Variants in CREB5 observed in about 807,000 individuals in gnomAD.
CREB5 encodes the protein cAMP responsive element binding protein 5, also known as cyclic AMP-responsive element-binding protein 5.
Under a neutral mutation model 57.1 loss-of-function variants are expected in CREB5, and 19 were observed. That is an observed-to-expected ratio of 0.33 (90% CI 0.23 to 0.49). The LOEUF (loss-of-function observed/expected upper bound fraction) is 0.49, where lower values mean the gene tolerates loss of function less well. CREB5 is among the 20% of genes least tolerant of loss of function. The pLI is 0.99. For missense variants in CREB5, 579 were observed against 671.6 expected (o/e 0.86, Z 1.52); for synonymous variants, 238 against 238.3 (o/e 1.00, Z 0.01).
intron 4 of CREB5, among the ~76,000 whole-genome samples, chr7:28,557,097 C>T (rs1349635995): frequency 7.0e-6 from 1 of 142,410 alleles, no homozygotes; most frequent in African/African-American, 2.5e-5. Context: ...TGCAAAAAGT[C>T]TCTTTATTAA....
At chr7:28,814,402 T>C (rs980851633) in intron 9 of CREB5, among the ~76,000 whole-genome samples, 1 of 152,210 alleles carries the variant, frequency 6.6e-6, no homozygotes, top group Admixed American at 6.5e-5. Context: ...CTCAGTAATA[T>C]GGACACATAA....
chr7:28,468,449 G>A (rs1472143217), intron 1 of CREB5, among the ~76,000 whole-genome samples: 1 of 152,218 alleles, frequency 6.6e-6, no homozygotes, highest in East Asian at 1.9e-4. Context: ...TTGGATCTGG[G>A]ACCAGAGACA....
chr7:28,633,013 A>G (rs562694966), intron 5 of CREB5, among the ~76,000 whole-genome samples: 1 of 152,316 alleles, frequency 6.6e-6, no homozygotes, highest in South Asian at 2.1e-4. Flanking sequence ...AACAAGAGCT[A>G]AGACTTCCAT....
intron 4 of CREB5, among the ~76,000 whole-genome samples, chr7:28,518,804 TGTG>T (rs1335467694): frequency 6.6e-6 from 1 of 152,208 alleles, no homozygotes; most frequent in Admixed American, 6.5e-5. Flanking sequence ...CCATGTGGAT[TGTG>T]AGGATGTGAC....
At chr7:28,627,652 T>C (rs1035613486) in intron 5 of CREB5, among the ~76,000 whole-genome samples, 1 of 152,138 alleles carries the variant, frequency 6.6e-6, no homozygotes, top group Non-Finnish European at 1.5e-5. Context: ...CGCCATGCAG[T>C]TATAGTCATT....
chr7:28,648,571 A>T (rs1397971558), intron 5 of CREB5, among the ~76,000 whole-genome samples: 6 of 152,060 alleles, frequency 3.9e-5, no homozygotes, highest in Non-Finnish European at 8.8e-5. Context: ...CCTCATCTCC[A>T]CTGCAAATAA....
In CREB5 at chr7:28,825,641, T is replaced by C. The variant is rs1415174308; in HGVS notation, c.*6362T>C. Reference sequence around the variant, plus strand: ...ATTTGTAAAGCAACCACCTTCCTTATTGGAAGGAGAAAAAAAGGGGTACAT... The same window carrying C: ...ATTTGTAAAGCAACCACCTTCCTTACTGGAAGGAGAAAAAAAGGGGTACAT... On this transcript the variant is annotated 3_prime_UTR_variant, in exon 11 of 11. Coordinates refer to ENST00000357727, the MANE Select transcript of CREB5 (RefSeq NM_182898.4). 1 of 152,588 alleles carries C rather than the reference T, an allele frequency of 6.6e-6. No homozygotes were observed. The highest frequency in any genetic ancestry group is 1.5e-5 in the Non-Finnish European group (1 of 68,018). The allele number at this position is 152,588 out of a possible 1,614,324, so 9.5% of individuals were successfully genotyped here.
upstream of CREB5, among the ~76,000 whole-genome samples, chr7:28,408,958 C>T (rs1787652762): frequency 6.7e-6 from 1 of 150,174 alleles, no homozygotes; most frequent in Non-Finnish European, 1.5e-5. Flanking sequence ...CCCCACCTCT[C>T]CCCTACCCCC....
At chr7:28,533,902 A>G (rs1793844915) in intron 4 of CREB5, among the ~76,000 whole-genome samples, 1 of 152,204 alleles carries the variant, frequency 6.6e-6, no homozygotes, top group South Asian at 2.1e-4. Flanking sequence ...AATAAAAACC[A>G]AGTGTAAACA....
intron 5 of CREB5, among the ~76,000 whole-genome samples, chr7:28,705,674 AC>A (rs1194171617): frequency 6.6e-6 from 1 of 152,084 alleles, no homozygotes; most frequent in African/African-American, 2.4e-5. Flanking sequence ...TAAACTTGAA[AC>A]CCCAAATACC....
At chr7:28,450,041 G>A (rs1789716025) in intron 1 of CREB5, among the ~76,000 whole-genome samples, 1 of 152,192 alleles carries the variant, frequency 6.6e-6, no homozygotes, top group Admixed American at 6.5e-5. Flanking sequence ...CCACCGGAAT[G>A]AAATCACACG....
At chr7:28,433,189 A>G (rs1230905131) in intron 1 of CREB5, among the ~76,000 whole-genome samples, 1 of 152,164 alleles carries the variant, frequency 6.6e-6, no homozygotes, top group African/African-American at 2.4e-5. Flanking sequence ...AATTATTCCA[A>G]CGAGTAGGTG....
At chr7:28,492,580 G>A (rs1210597070) in intron 2 of CREB5, among the ~76,000 whole-genome samples, 8 of 151,864 alleles carry the variant, frequency 5.3e-5, no homozygotes, top group Non-Finnish European at 1.5e-5. Flanking sequence ...GTCAGTATGT[G>A]GTATTATGGA....
At chr7:28,490,633 C>T (rs537827453) in intron 2 of CREB5, among the ~76,000 whole-genome samples, 45 of 152,286 alleles carry the variant, frequency 3.0e-4, no homozygotes, top group Non-Finnish European at 4.1e-4. Flanking sequence ...GGGTAGCTGT[C>T]CTGTGTGTTG....
chr7:28,369,445 T>C (rs1259588252), intron 1 of CREB5, among the ~76,000 whole-genome samples: 3 of 151,866 alleles, frequency 2.0e-5, no homozygotes, highest in Admixed American at 1.3e-4. Flanking sequence ...GAGCTGTCAG[T>C]GTCCAGCTCT....
chr7:28,630,391 C>T (rs924020657), intron 5 of CREB5, among the ~76,000 whole-genome samples: 50 of 152,186 alleles, frequency 3.3e-4, no homozygotes, highest in African/African-American at 1.2e-3. Flanking sequence ...CTAATAGCAA[C>T]TTCAGGAACA....
chr7:28,503,873 A>T (rs1185675473), intron 3 of CREB5, among the ~76,000 whole-genome samples: 1 of 152,160 alleles, frequency 6.6e-6, no homozygotes, highest in Non-Finnish European at 1.5e-5. Context: ...TGCAAAGACA[A>T]CTGCTTCCCT....
At chr7:28,685,340 T>C (rs1800819061) in intron 5 of CREB5, among the ~76,000 whole-genome samples, 1 of 152,208 alleles carries the variant, frequency 6.6e-6, no homozygotes, top group Non-Finnish European at 1.5e-5. Context: ...GAAGTGACTG[T>C]GATTTCACAG....
chr7:28,592,676 A>T (rs1413876087), intron 5 of CREB5, among the ~76,000 whole-genome samples: 1 of 152,180 alleles, frequency 6.6e-6, no homozygotes, highest in Non-Finnish European at 1.5e-5. Context: ...GAGGTGGAGA[A>T]GCAAAACCTG....
Sources: allele counts gnomAD v4.1 joint callset (sites outside exome capture counted in the v4.1 genomes callset), GRCh38; gene constraint gnomAD v4.1.1; transcripts MANE v1.5; gene names NCBI Gene and HGNC (gene_info 2026-07-23, HGNC 2026-07-21).